Variants in SMARCC1 observed in about 807,000 individuals in gnomAD.
The protein encoded by SMARCC1 is SWI/SNF related BAF chromatin remodeling complex subunit C1.
Under a neutral mutation model 147.4 loss-of-function variants are expected in SMARCC1, and 43 were observed. The ratio of observed to expected loss-of-function variants is 0.29; its 90% CI spans 0.23 to 0.38. The LOEUF (loss-of-function observed/expected upper bound fraction) is 0.38. Ranked by LOEUF, SMARCC1 falls within the 10% of genes least tolerant of loss-of-function variation. The probability of loss-of-function intolerance (pLI) is 1.00; values close to 1 mark genes in which losing one functional copy is unlikely to be tolerated. For synonymous variants in SMARCC1, 495 were observed against 484.4 expected (o/e 1.02, Z -0.29); for missense variants, 1,119 against 1,381.1 (o/e 0.81, Z 3.01).
rs553819063 is a variant in SMARCC1 at position 47,662,719 on chromosome 3, G to C, written c.1900-127C>G. 41 of 759,544 alleles carry C rather than the reference G, an allele frequency of 5.4e-5. No individual in the cohort carries two copies. In the East Asian group the frequency reaches 1.1e-3, roughly 20 times the overall value. The allele number at this position is 759,544 out of a possible 1,614,324, so 47.1% of individuals were successfully genotyped here. On this transcript the variant is annotated intron_variant, in intron 19 of 27. Coordinates refer to ENST00000254480, the MANE Select transcript of SMARCC1 (RefSeq NM_003074.4). ...TATTTATGCATAAATAGAAAGATTTGATGGTTTCCTTAGATTATTTTCAAT... is the reference window on the plus strand; with the variant it reads ...TATTTATGCATAAATAGAAAGATTTCATGGTTTCCTTAGATTATTTTCAAT...
At chr3:47,685,497 A>G (rs1380313323) in intron 14 of SMARCC1, among the ~76,000 whole-genome samples, 1 of 152,056 alleles carries the variant, frequency 6.6e-6, no homozygotes, top group Non-Finnish European at 1.5e-5. Flanking sequence ...CAAGCTTACA[A>G]AATTTTACAA....
intron 19 of SMARCC1, among the ~76,000 whole-genome samples, chr3:47,667,764 C>A (rs1477502297): frequency 6.6e-6 from 1 of 152,164 alleles, no homozygotes. Context: ...GTAGTCCCAA[C>A]TACTCGGGAG....
At chr3:47,656,111 T>C (rs183071496) in intron 21 of SMARCC1, among the ~76,000 whole-genome samples, 1 of 152,032 alleles carries the variant, frequency 6.6e-6, no homozygotes, top group African/African-American at 2.4e-5. Context: ...CTAGGGAGGC[T>C]GAGGCAGGAG....
At chr3:47,606,050 C>G (rs574046804) in intron 26 of SMARCC1, among the ~76,000 whole-genome samples, 1 of 149,864 alleles carries the variant, frequency 6.7e-6, no homozygotes, top group East Asian at 2.0e-4. Flanking sequence ...CCAAAATGTA[C>G]ATTTTATTTC....
In SMARCC1 at chr3:47,695,356, T is replaced by C. The variant is rs116389104; in HGVS notation, c.1166-2056A>G. Among the ~76,000 whole-genome samples, 863 of 152,336 alleles carry C rather than the reference T, an allele frequency of 5.7e-3. 8 individuals are homozygous for C. Among genetic ancestry groups the C allele is most frequent in the African/African-American group, 0.02 (818 of 41,568 alleles). Reference sequence around the variant, plus strand: ...CTTTACAATAATTAATTTAATGTTATGTGAAGTATATCTCAATTAAAACAA... The same window carrying C: ...CTTTACAATAATTAATTTAATGTTACGTGAAGTATATCTCAATTAAAACAA... On this transcript the variant is annotated intron_variant, in intron 11 of 27. Transcript: ENST00000254480.
chr3:47,684,860 T>C (rs1435081893), intron 14 of SMARCC1, among the ~76,000 whole-genome samples: 1 of 152,036 alleles, frequency 6.6e-6, no homozygotes, highest in Non-Finnish European at 1.5e-5. Flanking sequence ...CGTATACACA[T>C]AAACACACAC....
intron 25 of SMARCC1, among the ~76,000 whole-genome samples, chr3:47,614,462 T>A (rs1460769093): frequency 6.6e-6 from 1 of 152,206 alleles, no homozygotes; most frequent in Non-Finnish European, 1.5e-5. Flanking sequence ...TTACTACAAC[T>A]ACACAGAAAA....
At chr3:47,731,916 C>T (rs564753030) in intron 5 of SMARCC1, among the ~76,000 whole-genome samples, 1 of 152,220 alleles carries the variant, frequency 6.6e-6, no homozygotes, top group South Asian at 2.1e-4. Flanking sequence ...CTTCAACTTA[C>T]AGTCACCAAC....
At chr3:47,675,329 A>T (rs1436329689) in intron 18 of SMARCC1, 146 bp downstream of exon 18, 1 of 453,182 alleles carries the variant, frequency 2.2e-6, no homozygotes, top group East Asian at 3.6e-5. Flanking sequence ...ATACCTATCT[A>T]CTAAGTCATA....
intron 24 of SMARCC1, among the ~76,000 whole-genome samples, chr3:47,634,030 C>T (rs933685508): frequency 9.2e-5 from 14 of 152,008 alleles, no homozygotes; most frequent in Admixed American, 5.2e-4. Flanking sequence ...TTAGCCGTCA[C>T]TTAAGCAAGC....
chr3:47,647,010 C>T (rs1054982513), intron 21 of SMARCC1, among the ~76,000 whole-genome samples: 2 of 152,182 alleles, frequency 1.3e-5, no homozygotes, highest in Non-Finnish European at 2.9e-5. Context: ...TACTTAAGGT[C>T]AAAACTATTT....
At chr3:47,706,067 A>G (rs560079548) in intron 10 of SMARCC1, among the ~76,000 whole-genome samples, 1 of 152,222 alleles carries the variant, frequency 6.6e-6, no homozygotes, top group East Asian at 1.9e-4. Context: ...ACAAGTGGTA[A>G]AATCAGAAAA....
At chr3:47,725,515 A>G (rs2034287867) in intron 6 of SMARCC1, among the ~76,000 whole-genome samples, 1 of 151,998 alleles carries the variant, frequency 6.6e-6, no homozygotes, top group Non-Finnish European at 1.5e-5. Flanking sequence ...CAGTGATGCC[A>G]TCTTGGCTCA....
intron 8 of SMARCC1, among the ~76,000 whole-genome samples, chr3:47,714,198 T>C (rs2106802119): frequency 6.6e-6 from 1 of 152,284 alleles, no homozygotes; most frequent in Middle Eastern, 3.4e-3. Context: ...ACTCCGTCTC[T>C]ACTAAAAATA....
intron 24 of SMARCC1, among the ~76,000 whole-genome samples, chr3:47,632,648 C>CA (rs2032908231): frequency 6.6e-6 from 1 of 151,176 alleles, no homozygotes; most frequent in Admixed American, 6.6e-5. Flanking sequence ...CCAGTCTCTA[C>CA]AAAAAAATTT....
At chr3:47,755,701 A>C (rs2106854305) in intron 2 of SMARCC1, among the ~76,000 whole-genome samples, 1 of 151,526 alleles carries the variant, frequency 6.6e-6, no homozygotes, top group East Asian at 1.9e-4. Flanking sequence ...TACTAAAAAT[A>C]CAAAAAATAG....
At chr3:47,727,792 T>C (rs1270653067) in intron 6 of SMARCC1, among the ~76,000 whole-genome samples, 3 of 151,838 alleles carry the variant, frequency 2.0e-5, no homozygotes, top group African/African-American at 7.3e-5. Context: ...AATTTCGCCA[T>C]ATTGGTGAGG....
At chr3:47,745,442 G>T (rs1358946441) in intron 3 of SMARCC1, among the ~76,000 whole-genome samples, 1 of 152,158 alleles carries the variant, frequency 6.6e-6, no homozygotes, top group African/African-American at 2.4e-5. Context: ...GCCGGGTGCG[G>T]TGGCTCACGC....
At chr3:47,618,959 A>C (rs1266043188) in intron 25 of SMARCC1, among the ~76,000 whole-genome samples, 1 of 152,188 alleles carries the variant, frequency 6.6e-6, no homozygotes, top group Non-Finnish European at 1.5e-5. Context: ...CCATCATTTG[A>C]ATCCCGCATA....
Sources: allele counts gnomAD v4.1 joint callset (sites outside exome capture counted in the v4.1 genomes callset), GRCh38; gene constraint gnomAD v4.1.1; transcripts MANE v1.5; gene names NCBI Gene and HGNC (gene_info 2026-07-23, HGNC 2026-07-21).